Variants in RAD51B observed in about 807,000 individuals in gnomAD.
The protein encoded by RAD51B is DNA repair protein RAD51 homolog 2.
Under a neutral mutation model 42.2 loss-of-function variants are expected in RAD51B, and 38 were observed. That is an observed-to-expected ratio of 0.90 (90% confidence interval 0.70 to 1.18). The LOEUF (loss-of-function observed/expected upper bound fraction) is 1.18. Ranked by LOEUF, RAD51B falls within the 50% of genes most tolerant of loss-of-function variation. RAD51B has a pLI of 0.00. For missense variants in RAD51B, 373 were observed against 400.7 expected (o/e 0.93, Z 0.59); for synonymous variants, 154 against 145.2 (o/e 1.06, Z -0.43).
intron 7 of RAD51B, among the ~76,000 whole-genome samples, chr14:67,937,652 T>A (rs1350635534): frequency 1.3e-5 from 2 of 152,158 alleles, no homozygotes; most frequent in African/African-American, 4.8e-5. Context: ...CATTAGGAAT[T>A]GAGCAGGTAG....
intron 10 of RAD51B, among the ~76,000 whole-genome samples, chr14:68,550,655 A>G (rs546686018): frequency 1.1e-4 from 17 of 152,200 alleles, no homozygotes; most frequent in Admixed American, 1.0e-3. Context: ...ATGTTGTTTC[A>G]TGGTATTTGC....
At chr14:68,355,595 G>A (rs974174083) in intron 8 of RAD51B, among the ~76,000 whole-genome samples, 11 of 152,124 alleles carry the variant, frequency 7.2e-5, no homozygotes, top group Admixed American at 5.9e-4. Context: ...GCTGGAGATT[G>A]GTTCAGTGGT....
chr14:68,433,274 C>T (rs1176184136), intron 9 of RAD51B, among the ~76,000 whole-genome samples: 1 of 152,160 alleles, frequency 6.6e-6, no homozygotes, highest in Non-Finnish European at 1.5e-5. Context: ...CTCTGTATTT[C>T]CTGAATTGAA....
intron 8 of RAD51B, among the ~76,000 whole-genome samples, chr14:68,341,212 A>G (rs1423345771): frequency 1.3e-5 from 2 of 152,270 alleles, no homozygotes; most frequent in East Asian, 3.8e-4. Flanking sequence ...TGAATAAAAT[A>G]CATCATAGAA....
At chr14:68,381,195 A>G (rs2083471352) in intron 8 of RAD51B, among the ~76,000 whole-genome samples, 1 of 152,252 alleles carries the variant, frequency 6.6e-6, no homozygotes, top group South Asian at 2.1e-4. Flanking sequence ...AGAGTCACAC[A>G]GCTAGTTAGC....
intron 4 of RAD51B, among the ~76,000 whole-genome samples, chr14:67,854,585 G>A (rs1366139004): frequency 6.6e-6 from 1 of 151,110 alleles, no homozygotes; most frequent in African/African-American, 2.4e-5. Context: ...AGTGAGCTGA[G>A]ATTGCACTAC....
At chr14:68,631,729 C>T (rs957226909) in intron 10 of RAD51B, among the ~76,000 whole-genome samples, 1 of 152,190 alleles carries the variant, frequency 6.6e-6, no homozygotes, top group Admixed American at 6.5e-5. Flanking sequence ...GTTCCCTCTG[C>T]TGGGAGTGTC....
At chr14:67,931,112 AGGGT>A (rs1395441731) in intron 7 of RAD51B, among the ~76,000 whole-genome samples, 1 of 151,932 alleles carries the variant, frequency 6.6e-6, no homozygotes, top group East Asian at 1.9e-4. Context: ...TATTAGAGAC[AGGGT>A]TTCACCGTGT....
intron 8 of RAD51B, among the ~76,000 whole-genome samples, chr14:68,327,520 A>C (rs2082273959): frequency 6.6e-6 from 1 of 152,030 alleles, no homozygotes; most frequent in East Asian, 1.9e-4. Context: ...TTCTCAGCCA[A>C]AGACTCCTCT....
At chr14:68,068,114 A>G (rs1228317190) in intron 7 of RAD51B, among the ~76,000 whole-genome samples, 1 of 152,138 alleles carries the variant, frequency 6.6e-6, no homozygotes, top group Non-Finnish European at 1.5e-5. Context: ...TTTTAGATCA[A>G]TGAAAACTTT....
intron 11 of RAD51B, among the ~76,000 whole-genome samples, chr14:68,680,633 C>T (rs1246063002): frequency 6.6e-6 from 1 of 152,090 alleles, no homozygotes; most frequent in African/African-American, 2.4e-5. Flanking sequence ...ATCTGATGGC[C>T]ACACCCTTTG....
chr14:68,448,758 C>T (rs1594854050), intron 9 of RAD51B, among the ~76,000 whole-genome samples: 1 of 152,058 alleles, frequency 6.6e-6, no homozygotes, highest in Non-Finnish European at 1.5e-5. Flanking sequence ...AATTGCATAT[C>T]CTGGCTTGAT....
intron 7 of RAD51B, among the ~76,000 whole-genome samples, chr14:68,143,451 A>C (rs2078178838): frequency 6.6e-6 from 1 of 152,210 alleles, no homozygotes; most frequent in Non-Finnish European, 1.5e-5. Flanking sequence ...CCAAACATGA[A>C]AATGGTGACA....
chr14:67,889,737 C>T (rs1167801947), intron 7 of RAD51B, among the ~76,000 whole-genome samples: 1 of 151,802 alleles, frequency 6.6e-6, no homozygotes, highest in Non-Finnish European at 1.5e-5. Context: ...AGGAATTAAT[C>T]GATATCACTT....
intron 10 of RAD51B, among the ~76,000 whole-genome samples, chr14:68,519,603 G>C (rs1886427441): frequency 6.6e-6 from 1 of 152,186 alleles, no homozygotes; most frequent in Admixed American, 6.5e-5. Context: ...GTTCTGCCTT[G>C]GATCTCAGGA....
intron 10 of RAD51B, among the ~76,000 whole-genome samples, chr14:68,581,944 T>G (rs1409977076): frequency 6.6e-6 from 1 of 152,218 alleles, no homozygotes; most frequent in African/African-American, 2.4e-5. Context: ...TTGGGAAAAC[T>G]GGCTAGCCAT....
At chr14:67,871,616 C>T (rs1251149360) in intron 5 of RAD51B, among the ~76,000 whole-genome samples, 242 of 152,156 alleles carry the variant, frequency 1.6e-3, no homozygotes, top group African/African-American at 5.4e-3. Context: ...ATACCAAAGC[C>T]GGGCAGAGAC....
intron 7 of RAD51B, among the ~76,000 whole-genome samples, chr14:68,195,642 C>T (rs56267624): frequency 0.038 from 5,855 of 152,216 alleles, 159 homozygotes; most frequent in Non-Finnish European, 0.06. Flanking sequence ...GGCATGGTAG[C>T]TTACACCTGT....
At chr14:67,819,965 T>C (rs1356413172) in intron 1 of RAD51B, 112 bp downstream of exon 1, 1 of 152,104 alleles carries the variant, frequency 6.6e-6, no homozygotes, top group Admixed American at 6.6e-5. Flanking sequence ...GGAGATTTTC[T>C]CTTGGGTGCT....
Sources: gnomAD v4.1 joint callset for allele counts (sites outside exome capture counted in the v4.1 genomes callset) on GRCh38, gnomAD v4.1.1 for gene constraint, MANE v1.5 for transcripts, NCBI Gene and HGNC (gene_info 2026-07-23, HGNC 2026-07-21) for gene names.